CFAP46: variants seen among roughly 807,000 people sequenced by gnomAD.
The protein encoded by CFAP46 is cilia- and flagella-associated protein 46.
Under a neutral mutation model 325.7 loss-of-function variants are expected in CFAP46, and 245 were observed. The ratio of observed to expected loss-of-function variants is 0.75; its 90% CI spans 0.68 to 0.84. The LOEUF (loss-of-function observed/expected upper bound fraction) is 0.84. CFAP46 is among the 40% of genes least tolerant of loss of function. The probability of loss-of-function intolerance (pLI) is 0.00; values close to 1 mark genes in which losing one functional copy is unlikely to be tolerated. For synonymous variants in CFAP46, 1,523 were observed against 1,495.9 expected (o/e 1.02, Z -0.42); for missense variants, 3,346 against 3,543.0 (o/e 0.94, Z 1.41).
chr10:132,823,893 G>A (rs539447161), intron 50 of CFAP46, among the ~76,000 whole-genome samples: 5 of 146,010 alleles, frequency 3.4e-5, no homozygotes, highest in South Asian at 2.4e-4. Flanking sequence ...CTGTCTGTGC[G>A]CTGTGTGCTG....
intron 22 of CFAP46, among the ~76,000 whole-genome samples, chr10:132,901,869 G>A (rs974981842): frequency 8.5e-5 from 13 of 152,148 alleles, no homozygotes; most frequent in African/African-American, 3.1e-4. Context: ...ATTCTAGACT[G>A]ACAGGTTTTC....
rs199869831 is a variant in CFAP46 at position 132,808,557 on chromosome 10, G to A, written c.8012C>T (p.Ala2671Val). 46 of 1,612,978 alleles carry A rather than the reference G, an allele frequency of 2.9e-5. No homozygotes were observed. Among genetic ancestry groups the A allele is most frequent in the Middle Eastern group, 1.7e-4 (1 of 6,060 alleles). ...CCAGCCCCGACGCAGACCCCATGGC[G>A]CACACAGGCAGGCAGAGCTCGAGGT... Reference protein sequence around the residue: ...AWTSSSACLCAPWGLRRGWSC... With the variant: ...AWTSSSACLCVPWGLRRGWSC... The change falls in exon 58 of 58, where the codon GCG (alanine) becomes GTG (valine). Residue 2671 changes from alanine to valine, a missense_variant. Ala to Val is a moderately conservative substitution (Grantham distance 64, BLOSUM62 0). Transcript: ENST00000368586. This position sits in a 1 kb window ranked among gnomAD's most constrained non-coding sequence, Gnocchi z 6.8.
rs1392932986 is a variant in CFAP46 at position 132,827,747 on chromosome 10, C to T, written c.7117+5611G>A. 1.3e-5 allele frequency among the ~76,000 whole-genome samples: 2 copies of T among 152,120 alleles called. No homozygotes were observed. Among genetic ancestry groups the T allele is most frequent in the Non-Finnish European group, 2.9e-5 (2 of 68,018 alleles). Reference sequence around the variant, plus strand: ...AAAATGCCTGCAACCCTCCCTCCTGCACCCACGACCCTCCCCCAACTTCTC... The same window carrying T: ...AAAATGCCTGCAACCCTCCCTCCTGTACCCACGACCCTCCCCCAACTTCTC... On this transcript the variant is annotated intron_variant, in intron 50 of 57. Transcript: ENST00000368586. The surrounding 1 kb of genome is among the most constrained non-coding windows in gnomAD (Gnocchi z 5.7).
intron 13 of CFAP46, among the ~76,000 whole-genome samples, chr10:132,921,439 G>A (rs1014859055): frequency 3.9e-5 from 6 of 152,224 alleles, no homozygotes; most frequent in African/African-American, 9.6e-5. Flanking sequence ...CACATGGGCC[G>A]TACGGCCCCG....
At chr10:132,813,153 C>T (rs908099037) in intron 54 of CFAP46, among the ~76,000 whole-genome samples, 12 of 152,218 alleles carry the variant, frequency 7.9e-5, no homozygotes, top group East Asian at 1.9e-4. Flanking sequence ...CCTACTCGGG[C>T]GGGGCTCGCT....
chr10:132,814,614 T>G lies in CFAP46; in HGVS notation c.7250-2A>C. On this transcript the variant is annotated splice_acceptor_variant, in intron 52 of 57. Coordinates refer to ENST00000368586, the MANE Select transcript of CFAP46 (RefSeq NM_001200049.3). LOFTEE classifies it high-confidence loss of function. ...CCTCCTCGTATGGGTCCACGACGAC[T>G]GGGTCCCGGTCAAGGAGAAACGGGA... is the stretch of plus-strand genomic sequence containing the variant. 1.3e-6 allele frequency: 2 copies of G among 1,576,736 alleles called. No individual in the cohort carries two copies. The highest frequency in any genetic ancestry group is 1.7e-6 in the Non-Finnish European group (2 of 1,161,650).
rs566781751 is a variant in CFAP46 at position 132,876,812 on chromosome 10, C to G, written c.4362G>C (p.Pro1454=). 6.5e-7 allele frequency: 1 copy of G among 1,548,258 alleles called. No homozygotes were observed. The highest frequency in any genetic ancestry group is 2.4e-5 in the East Asian group (1 of 40,914). The change falls in exon 31 of 58, where the codon CCG becomes CCC. Residue 1454 remains proline, a splice_region_variant and synonymous_variant. Coordinates refer to ENST00000368586, the MANE Select transcript of CFAP46 (RefSeq NM_001200049.3). The surrounding 1 kb of genome is among the most constrained non-coding windows in gnomAD (Gnocchi z 4.1). ...GAGCCTTTTCTTTATGTCAACGTAC[C>G]GGCTTCTGGATACTTGAGGGGTTCA... ...STVNPSSIQK[P]TYSLYFLDHL...
At position 132,828,791 on chromosome 10, in the gene CFAP46, T is replaced by C. The variant is rs1455701963; in HGVS notation, c.7117+4567A>G. ...CGGCCTCGTTTTTGTTGTGTTTCGT[T>C]CTGCACTTGGACGTCCAGGGACTGC... On this transcript the variant is annotated intron_variant, in intron 50 of 57. Coordinates refer to ENST00000368586, the MANE Select transcript of CFAP46 (RefSeq NM_001200049.3). This position sits in a 1 kb window ranked among gnomAD's most constrained non-coding sequence, Gnocchi z 4.9. 6.6e-6 allele frequency among the ~76,000 whole-genome samples: 1 copy of C among 152,134 alleles called. No homozygotes were observed. Among genetic ancestry groups the C allele is most frequent in the Non-Finnish European group, 1.5e-5 (1 of 68,024 alleles).
At position 132,920,106 on chromosome 10, in the gene CFAP46, T is replaced by G; in HGVS notation, c.1683A>C (p.Lys561Asn). ...KAWHHTVSVD[K>N]AAGHLRRLGN... ...CCAGGCGCCGCAGGTGCCCGGCAGC[T>G]TTGTCCACGCTGACGGTGTGGTGCC... The change falls in exon 14 of 58, where the codon AAA becomes AAC. Residue 561 changes from lysine (K) to asparagine (N), a missense_variant. By Grantham distance (94) the Lys-to-Asn change is moderately conservative. Coordinates refer to ENST00000368586, the MANE Select transcript of CFAP46 (RefSeq NM_001200049.3). The G allele has an allele frequency of 6.5e-7, 1 of 1,549,134 alleles. No individual in the cohort carries two copies. Among genetic ancestry groups the G allele is most frequent in the South Asian group, 1.2e-5 (1 of 83,954 alleles).
intron 34 of CFAP46, among the ~76,000 whole-genome samples, 175 bp downstream of exon 34, chr10:132,867,200 C>T (rs1426212863): frequency 1.3e-5 from 2 of 148,536 alleles, no homozygotes; most frequent in Non-Finnish European, 3.0e-5. Context: ...CGGCCCCTCA[C>T]ACACTGACAC....
At chr10:132,870,636 C>A (rs1431713939) in intron 32 of CFAP46, among the ~76,000 whole-genome samples, 1 of 152,208 alleles carries the variant, frequency 6.6e-6, no homozygotes, top group Admixed American at 6.5e-5. Context: ...AAGTCTCATC[C>A]AGAGCCAGGC....
Position 132,877,671 on chromosome 10 carries a change from G to A in CFAP46, c.4212+210C>T, listed in dbSNP as rs946606182. ...TGACAGGGAGAGAAACTGAGGCACA[G>A]AGGCCAGCCGGGGCCCAGCCTCTGC... On this transcript the variant is annotated intron_variant, in intron 30 of 57. Transcript: ENST00000368586. This position sits in a 1 kb window ranked among gnomAD's most constrained non-coding sequence, Gnocchi z 5.7. Among the ~76,000 whole-genome samples the A allele has an allele frequency of 6.6e-6, 1 of 151,914 alleles. No individual in the cohort carries two copies. The highest frequency in any genetic ancestry group is 2.4e-5 in the African/African-American group (1 of 41,362).
chr10:132,854,744 TC>T (rs1848615336), intron 39 of CFAP46, among the ~76,000 whole-genome samples: 1 of 152,134 alleles, frequency 6.6e-6, no homozygotes, highest in Non-Finnish European at 1.5e-5. Context: ...TGTGCCACCA[TC>T]ATCTCTAATT....
At chr10:132,909,354 C>T (rs1041706399) in intron 20 of CFAP46, 110 bp from the exon 21 acceptor site, 7 of 768,924 alleles carry the variant, frequency 9.1e-6, no homozygotes, top group Non-Finnish European at 1.3e-5. Flanking sequence ...AATCAGACCA[C>T]AAAATTGGGA....
At chr10:132,858,962 G>T in intron 38 of CFAP46, 109 bp downstream of exon 38, 1 of 1,186,792 alleles carries the variant, frequency 8.4e-7, no homozygotes, top group South Asian at 1.5e-5. Context: ...TGTGGACCCC[G>T]CGGGGGTGCA....
chr10:132,812,906 A>G lies in CFAP46; in HGVS notation c.7389-9T>C. On this transcript the variant is annotated splice_polypyrimidine_tract_variant and intron_variant, in intron 54 of 57. Coordinates refer to ENST00000368586, the MANE Select transcript of CFAP46 (RefSeq NM_001200049.3). ...GCTCCCACTGGGCCTGGCTGCAGAG[A>G]GAGGAGAGCGCTGGTCAACAGTGCC... 2 of 1,602,778 alleles carry G rather than the reference A, an allele frequency of 1.2e-6. No individual in the cohort carries two copies. The highest frequency in any genetic ancestry group is 1.7e-6 in the Non-Finnish European group (2 of 1,177,366).
chr10:132,840,945 G>T (rs1370689244), intron 44 of CFAP46, among the ~76,000 whole-genome samples: 15 of 152,176 alleles, frequency 9.9e-5, no homozygotes, highest in Non-Finnish European at 2.2e-4. Flanking sequence ...TCCGTGGCGA[G>T]GGGGCTGAGT....
At chr10:132,810,126 C>T (rs1310561484) in intron 57 of CFAP46, among the ~76,000 whole-genome samples, 2 of 152,220 alleles carry the variant, frequency 1.3e-5, no homozygotes, top group South Asian at 2.1e-4. Flanking sequence ...AACGAGGAAC[C>T]GTGATGCTTT....
At chr10:132,887,955 C>T (rs143785477) in intron 25 of CFAP46, among the ~76,000 whole-genome samples, 1 of 97,362 alleles carries the variant, frequency 1.0e-5, no homozygotes, top group East Asian at 2.6e-4. Context: ...TCTCTCTCTC[C>T]GCTCCTCTCT....
Sources: allele counts gnomAD v4.1 joint callset (sites outside exome capture counted in the v4.1 genomes callset), GRCh38; gene constraint gnomAD v4.1.1; non-coding constraint Gnocchi (gnomAD v3.1); transcripts MANE v1.5; gene names NCBI Gene and HGNC (gene_info 2026-07-23, HGNC 2026-07-21).